The following TANC2 variants were observed in gnomAD, a reference collection of about 807,000 sequenced individuals.
TANC2 encodes tetratricopeptide repeat, ankyrin repeat and coiled-coil containing 2, also known as protein TANC2.
Under a neutral mutation model 210.5 loss-of-function variants are expected in TANC2, and 26 were observed. The ratio of observed to expected loss-of-function variants is 0.12; its 90% confidence interval spans 0.09 to 0.17. TANC2 has a LOEUF of 0.17. TANC2 is among the 10% of genes least tolerant of loss of function. The pLI is 1.00. For synonymous variants in TANC2, 931 were observed against 967.1 expected, an observed-to-expected ratio of 0.96 and a Z score of 0.69; for missense variants, 2,129 against 2,608.9, an observed-to-expected ratio of 0.82 and a Z score of 4.01.
rs182019771 is a variant in TANC2 at position 63,220,317 on chromosome 17, A to C, written c.770-17497A>C. 3.6e-3 allele frequency among the ~76,000 whole-genome samples: 555 copies of C among 152,060 alleles called. 4 individuals carry two copies. The highest frequency in any genetic ancestry group is 0.013 in the African/African-American group (532 of 41,500). ...CTCATAAAAAAAAAAAAAGTCCAAA[A>C]ATAGACCCACACATACACTAGCAAC... On this transcript the variant is annotated intron_variant, in intron 7 of 27. Transcript: ENST00000689528.
intron 9 of TANC2, among the ~76,000 whole-genome samples, chr17:63,309,457 T>C (rs2146548812): frequency 6.6e-6 from 1 of 152,228 alleles, no homozygotes; most frequent in Non-Finnish European, 1.5e-5. Flanking sequence ...AAGATAAACA[T>C]TTTTAAATGT....
chr17:63,116,178 A>T (rs2038243478), intron 4 of TANC2, among the ~76,000 whole-genome samples: 1 of 152,242 alleles, frequency 6.6e-6, no homozygotes, highest in Non-Finnish European at 1.5e-5. Flanking sequence ...GAACAATTTC[A>T]TATAGAACTA....
chr17:63,238,416 T>C (rs1182091826), intron 8 of TANC2, among the ~76,000 whole-genome samples: 1 of 152,228 alleles, frequency 6.6e-6, no homozygotes, highest in Non-Finnish European at 1.5e-5. Flanking sequence ...AGGTTTTAGT[T>C]CTTTTCTTAA....
intron 2 of TANC2, among the ~76,000 whole-genome samples, chr17:63,012,175 C>A (rs916535648): frequency 3.1e-4 from 47 of 152,076 alleles, no homozygotes; most frequent in African/African-American, 9.6e-4. Context: ...CACCACCACA[C>A]CTAGCTAATT....
intron 9 of TANC2, among the ~76,000 whole-genome samples, chr17:63,269,538 TGACA>T (rs1326873331): frequency 6.6e-6 from 1 of 152,154 alleles, no homozygotes; most frequent in Non-Finnish European, 1.5e-5. Flanking sequence ...AAAAACATAC[TGACA>T]TTGTTGACTT....
intron 8 of TANC2, among the ~76,000 whole-genome samples, chr17:63,261,747 C>G: frequency 6.6e-6 from 1 of 152,204 alleles, no homozygotes; most frequent in Non-Finnish European, 1.5e-5. Context: ...TAACCAGCAT[C>G]CATACTCACC....
chr17:63,201,569 A>T (rs933466313), intron 7 of TANC2, among the ~76,000 whole-genome samples: 1 of 151,614 alleles, frequency 6.6e-6, no homozygotes, highest in Non-Finnish European at 1.5e-5. Context: ...ACTTAGAAGT[A>T]TTCAAGCAAA....
intron 8 of TANC2, among the ~76,000 whole-genome samples, chr17:63,238,572 T>C (rs2042686464): frequency 6.6e-6 from 1 of 152,176 alleles, no homozygotes; most frequent in African/African-American, 2.4e-5. Context: ...ATTTTCACAA[T>C]ATCCTGGCTA....
intron 8 of TANC2, among the ~76,000 whole-genome samples, chr17:63,259,359 A>G (rs756722231): frequency 2.0e-5 from 3 of 152,052 alleles, no homozygotes; most frequent in Non-Finnish European, 4.4e-5. Flanking sequence ...CCAGCACCCA[A>G]AGTTTTAATA....
chr17:63,224,189 G>A (rs1170666959), intron 7 of TANC2, among the ~76,000 whole-genome samples: 1 of 150,804 alleles, frequency 6.6e-6, no homozygotes, highest in African/African-American at 2.4e-5. Context: ...ATTGTCATCT[G>A]TTAACCATCA....
chr17:63,064,965 G>A (rs1382171017), intron 2 of TANC2, among the ~76,000 whole-genome samples: 2 of 151,540 alleles, frequency 1.3e-5, no homozygotes, highest in African/African-American at 4.9e-5. Flanking sequence ...TCACCATTCT[G>A]TACAATAGAT....
chr17:63,228,803 T>G (rs1209334433), intron 7 of TANC2, among the ~76,000 whole-genome samples: 3 of 152,206 alleles, frequency 2.0e-5, no homozygotes, highest in African/African-American at 7.2e-5. Flanking sequence ...CTTGCTGAAG[T>G]TGTTTATCAG....
intron 7 of TANC2, among the ~76,000 whole-genome samples, chr17:63,226,945 T>C (rs2042344123): frequency 6.6e-6 from 1 of 152,248 alleles, no homozygotes; most frequent in South Asian, 2.1e-4. Context: ...TTCCTTTTTA[T>C]GGCTGCATAG....
chr17:63,028,426 A>G (rs897679560), intron 2 of TANC2, among the ~76,000 whole-genome samples: 1 of 152,156 alleles, frequency 6.6e-6, no homozygotes, highest in Admixed American at 6.6e-5. Context: ...ACCTAGACAT[A>G]TATGTACTAA....
At chr17:63,035,538 G>A (rs1000522099) in intron 2 of TANC2, among the ~76,000 whole-genome samples, 5 of 152,152 alleles carry the variant, frequency 3.3e-5, no homozygotes, top group East Asian at 1.9e-4. Context: ...AAGTACTAGC[G>A]AGTGTTCCTT....
At chr17:63,037,198 C>T (rs186098832) in intron 2 of TANC2, among the ~76,000 whole-genome samples, 5 of 152,156 alleles carry the variant, frequency 3.3e-5, no homozygotes, top group East Asian at 1.9e-4. Context: ...CATATCCAAA[C>T]GACTAACGGG....
At chr17:62,993,968 G>A (rs1461338998) in intron 1 of TANC2, among the ~76,000 whole-genome samples, 1 of 152,048 alleles carries the variant, frequency 6.6e-6, no homozygotes, top group Non-Finnish European at 1.5e-5. Context: ...TGTATCTTGT[G>A]TCCTGCCAAT....
At chr17:62,970,478 A>G (rs1456457038) in intron 1 of TANC2, among the ~76,000 whole-genome samples, 1 of 152,114 alleles carries the variant, frequency 6.6e-6, no homozygotes, top group Non-Finnish European at 1.5e-5. Flanking sequence ...GTCCCACGCT[A>G]GCTCTGTTTT....
chr17:63,111,157 C>CA (rs911214825), intron 4 of TANC2, among the ~76,000 whole-genome samples: 2 of 151,676 alleles, frequency 1.3e-5, no homozygotes, highest in Admixed American at 6.6e-5. Context: ...ACTAAAAATA[C>CA]AAAAAAAATT....
Sources: allele counts gnomAD v4.1 joint callset (sites outside exome capture counted in the v4.1 genomes callset), GRCh38; gene constraint gnomAD v4.1.1; transcripts MANE v1.5; gene names NCBI Gene and HGNC (gene_info 2026-07-23, HGNC 2026-07-21).